Variants in SH2D1B observed in about 807,000 individuals in gnomAD.
The protein encoded by SH2D1B is SH2 domain containing 1B, also known as SH2 domain-containing protein 1B.
A neutral mutation model predicts 16.3 loss-of-function variants in SH2D1B; 11 were observed. The observed-to-expected ratio is 0.67, with a 90% CI of 0.42 to 1.11. The LOEUF (loss-of-function observed/expected upper bound fraction) is 1.11, where lower values mean the gene tolerates loss of function less well. SH2D1B is among the 50% of genes most tolerant of loss of function. The pLI is 0.00. For missense variants in SH2D1B, 123 were observed against 153.1 expected (o/e 0.80, Z 1.04); for synonymous variants, 55 against 56.1 (o/e 0.98, Z 0.09).
In SH2D1B at chr1:162,402,798, T is replaced by C. The variant is rs1648551403; in HGVS notation, c.139A>G (p.Lys47Glu). 6.2e-7 allele frequency: 1 copy of C among 1,613,208 alleles called. No homozygotes were observed. Among genetic ancestry groups the C allele is most frequent in the Non-Finnish European group, 8.5e-7 (1 of 1,179,254 alleles). ...PGVLCLCVSFKNIVYTYRIFR... is the reference protein window; with the variant it reads ...PGVLCLCVSFENIVYTYRIFR... ...ATTCGGTATGTGTAGACAATATTTT[T>C]AAACCTGTGGAAAAAATGACTGTGT... Residue 47 changes from lysine (K) to glutamate (E), a missense_variant, in exon 2 of 4, where the codon AAA becomes GAA. Transcript: ENST00000367929.
At chr1:162,403,502 AAAAAAAAAAATATATAT>A (rs1409074187) in intron 1 of SH2D1B, among the ~76,000 whole-genome samples, 6 of 44,298 alleles carry the variant, frequency 1.4e-4, no homozygotes, top group East Asian at 9.2e-4. Flanking sequence ...AAAAAAAAAA[AAAAAAAAAAATATATAT>A]ATATATATAT....
At chr1:162,403,220 G>A (rs1241132913) in intron 1 of SH2D1B, among the ~76,000 whole-genome samples, 1 of 152,072 alleles carries the variant, frequency 6.6e-6, no homozygotes, top group Non-Finnish European at 1.5e-5. Context: ...GCCGGGTGCC[G>A]TGGCTCACGC....
intron 2 of SH2D1B, 120 bp downstream of exon 2, chr1:162,402,611 TCATCTCTG>T: frequency 1.4e-6 from 1 of 712,370 alleles, no homozygotes; most frequent in Non-Finnish European, 2.4e-6. Flanking sequence ...GATCTGACTC[TCATCTCTG>T]CATTGTGCTT....
chr1:162,410,830 AT>A (rs1274885488), intron 1 of SH2D1B, among the ~76,000 whole-genome samples: 2 of 150,234 alleles, frequency 1.3e-5, no homozygotes, highest in Non-Finnish European at 3.0e-5. Flanking sequence ...CTAATTTTGT[AT>A]TTTTAGTAGA....
In SH2D1B at chr1:162,403,505, AAAAAAAATAT is replaced by A. The variant is rs1371606993; in HGVS notation, c.135-713_135-704del. 1.2e-3 allele frequency among the ~76,000 whole-genome samples: 62 copies of A among 53,804 alleles called. 1 individual carries two copies. Among genetic ancestry groups the A allele is most frequent in the African/African-American group, 4.4e-3 (61 of 13,976 alleles). The allele number at this position is 53,804 out of a possible 152,430, so 35.3% of individuals were successfully genotyped here. A position where few individuals can be genotyped will look rare whatever the true frequency, so the allele number is the denominator to read the frequency against. ...CTCTGTCTGAAAAAAAAAAAAAAAA[AAAAAAAATAT>A]ATATATATATATATATATATATATA... On this transcript the variant is annotated intron_variant, in intron 1 of 3. Coordinates refer to ENST00000367929, the MANE Select transcript of SH2D1B (RefSeq NM_053282.5).
At position 162,396,940 on chromosome 1, in the gene SH2D1B, T is replaced by A. The variant is rs997543775; in HGVS notation, c.*340A>T. The A allele has an allele frequency of 2.1e-5, 5 of 239,872 alleles. No homozygotes were observed. The South Asian group carries it at 3.1e-4, about 15-fold the overall frequency. The allele number at this position is 239,872 out of a possible 1,614,324, so 14.9% of individuals were successfully genotyped here. ...CAGACAAGTGTGCCCCTCCTCTGTA[T>A]AAAGCTGCCCCTCTGACTGCATGGT... On this transcript the variant is annotated 3_prime_UTR_variant, in exon 4 of 4. Transcript: ENST00000367929.
rs574210884 is a variant in SH2D1B, at chr1:162,409,276, G to C, written c.134+2607C>G. ...CCCGTCCAGAGACACAACAGTTTCT[G>C]TTGCCATCATTTCCCAGCTTCATTG... On this transcript the variant is annotated intron_variant, in intron 1 of 3. Coordinates refer to ENST00000367929, the MANE Select transcript of SH2D1B (RefSeq NM_053282.5). Among the ~76,000 whole-genome samples the C allele has an allele frequency of 9.2e-5, 14 of 152,142 alleles. No homozygotes were observed. The East Asian group carries it at 2.7e-3, about 29-fold the overall frequency.
At position 162,412,089 on chromosome 1, in the gene SH2D1B, G is replaced by A. The variant is rs1648811104; in HGVS notation, c.-73C>T. On this transcript the variant is annotated 5_prime_UTR_variant, in exon 1 of 4. Coordinates refer to ENST00000367929, the MANE Select transcript of SH2D1B (RefSeq NM_053282.5). ...CCCCAAGTCAAGGGACAGCTCTGAG[G>A]AGAGATGTGTAAGCAGCTGTACCTC... 6.3e-7 allele frequency: 1 copy of A among 1,592,018 alleles called. No individual in the cohort carries two copies. Among genetic ancestry groups the A allele is most frequent in the Non-Finnish European group, 8.6e-7 (1 of 1,163,386 alleles).
At chr1:162,406,304 C>T (rs1486065528) in intron 1 of SH2D1B, among the ~76,000 whole-genome samples, 2 of 152,002 alleles carry the variant, frequency 1.3e-5, no homozygotes, top group Non-Finnish European at 2.9e-5. Flanking sequence ...GACTAAATTG[C>T]AAATGAAAAT....
intron 1 of SH2D1B, among the ~76,000 whole-genome samples, chr1:162,410,067 A>G (rs1648756575): frequency 1.3e-5 from 2 of 152,166 alleles, no homozygotes; most frequent in South Asian, 4.1e-4. Context: ...ATCCAGTTTT[A>G]GCAAAGAACC....
At chr1:162,403,726 ACACACACACACACAC>A (rs1487989374) in intron 1 of SH2D1B, among the ~76,000 whole-genome samples, 2 of 122,946 alleles carry the variant, frequency 1.6e-5, no homozygotes, top group Non-Finnish European at 3.8e-5. Flanking sequence ...ACACACACAC[ACACACACACACACAC>A]AATGGAATAT....
chr1:162,409,937 C>T (rs1271392361), intron 1 of SH2D1B, among the ~76,000 whole-genome samples: 2 of 152,102 alleles, frequency 1.3e-5, no homozygotes, highest in East Asian at 1.9e-4. Flanking sequence ...GCCTGTATCT[C>T]CAGTACCATT....
At chr1:162,410,156 C>T (rs1205123712) in intron 1 of SH2D1B, among the ~76,000 whole-genome samples, 1 of 152,172 alleles carries the variant, frequency 6.6e-6, no homozygotes, top group Non-Finnish European at 1.5e-5. Flanking sequence ...CCTCATCCTC[C>T]ACCATCCCCC....
Position 162,397,212 on chromosome 1 carries a change from G to T in SH2D1B, c.*68C>A. The stretch of plus-strand genomic sequence containing the variant: ...AGTTTGGTGCTCTGGACCTATGCCT[G>T]CAGAAGTGGGTCATCAGTGAGAACT... On this transcript the variant is annotated 3_prime_UTR_variant, in exon 4 of 4. Transcript: ENST00000367929. The T allele has an allele frequency of 6.4e-7, 1 of 1,560,738 alleles. No individual in the cohort carries two copies. The highest frequency in any genetic ancestry group is 8.8e-7 in the Non-Finnish European group (1 of 1,132,250).
intron 3 of SH2D1B, 68 bp from the exon 4 acceptor site, chr1:162,397,383 C>T: frequency 6.4e-7 from 1 of 1,567,508 alleles, no homozygotes; most frequent in Non-Finnish European, 8.8e-7. Context: ...TCAAACAACC[C>T]CACTCAAAGG....
At chr1:162,399,135 G>A in intron 2 of SH2D1B, 48 bp from the exon 3 acceptor site, 1 of 1,551,104 alleles carries the variant, frequency 6.4e-7, no homozygotes, top group Non-Finnish European at 8.8e-7. Context: ...GCAATTGCGT[G>A]TGAAATGTGA....
chr1:162,399,454 G>A (rs528030700), intron 2 of SH2D1B, among the ~76,000 whole-genome samples: 1 of 152,306 alleles, frequency 6.6e-6, no homozygotes, highest in South Asian at 2.1e-4. Flanking sequence ...GGGACTATCG[G>A]AAGTGGACTT....
chr1:162,407,858 G>T (rs530606409), intron 1 of SH2D1B, among the ~76,000 whole-genome samples: 3 of 152,132 alleles, frequency 2.0e-5, no homozygotes, highest in Non-Finnish European at 4.4e-5. Context: ...ATTGCCAGTA[G>T]TATTTATCAC....
At position 162,396,151 on chromosome 1, in the gene SH2D1B, T is replaced by A. The variant is rs1045192006; in HGVS notation, c.*1129A>T. ...CACAGTGTCTGTTCATCTGTTCATA[T>A]TACCTCTAAGTCGAGAGCTCCTCTC... On this transcript the variant is annotated 3_prime_UTR_variant, in exon 4 of 4. Transcript: ENST00000367929. 2 of 152,202 alleles carry A rather than the reference T, an allele frequency of 1.3e-5. No individual in the cohort carries two copies. Among genetic ancestry groups the A allele is most frequent in the African/African-American group, 4.8e-5 (2 of 41,450 alleles). The allele number at this position is 152,202 out of a possible 1,614,324, so 9.4% of individuals were successfully genotyped here.
Sources: allele counts gnomAD v4.1 joint callset (sites outside exome capture counted in the v4.1 genomes callset), GRCh38; gene constraint gnomAD v4.1.1; transcripts MANE v1.5; gene names NCBI Gene and HGNC (gene_info 2026-07-23, HGNC 2026-07-21).